Variants in SIK2 observed in about 807,000 individuals in gnomAD.
SIK2 encodes serine/threonine-protein kinase SIK2.
In SIK2, 29 loss-of-function variants were observed where a neutral mutation model predicts 103.2. The observed-to-expected ratio is 0.28, with a 90% CI of 0.21 to 0.38. The LOEUF (loss-of-function observed/expected upper bound fraction) is 0.38, where lower values mean the gene tolerates loss of function less well. Among genes scored for constraint, SIK2 ranks in the 10% least tolerant of loss-of-function variants. The pLI is 1.00. For synonymous variants in SIK2, 412 were observed against 446.1 expected, an observed-to-expected ratio of 0.92 and a Z score of 0.96; for missense variants, 879 against 1,171.0, an observed-to-expected ratio of 0.75 and a Z score of 3.64.
chr11:111,660,327 G>A (rs1438484089), intron 3 of SIK2, among the ~76,000 whole-genome samples: 1 of 152,090 alleles, frequency 6.6e-6, no homozygotes, highest in East Asian at 1.9e-4. Context: ...AAGCCCTTAG[G>A]TCCATATGCA....
At chr11:111,634,889 A>C (rs182399923) in intron 3 of SIK2, among the ~76,000 whole-genome samples, 290 of 152,368 alleles carry the variant, frequency 1.9e-3, no homozygotes, top group Non-Finnish European at 3.2e-3. Flanking sequence ...AGATGTTAAC[A>C]TAGAAAGATA....
chr11:111,709,438 A>AT (rs1943438290), intron 8 of SIK2, among the ~76,000 whole-genome samples: 1 of 152,176 alleles, frequency 6.6e-6, no homozygotes, highest in South Asian at 2.1e-4. Flanking sequence ...AATAGCAACG[A>AT]TTTTCCCATA....
At chr11:111,648,561 A>G (rs1942287988) in intron 3 of SIK2, among the ~76,000 whole-genome samples, 1 of 152,084 alleles carries the variant, frequency 6.6e-6, no homozygotes, top group South Asian at 2.1e-4. Flanking sequence ...ATTTTGGGGA[A>G]ACACAAACAA....
intron 4 of SIK2, among the ~76,000 whole-genome samples, chr11:111,695,062 G>A (rs927002902): frequency 5.3e-5 from 8 of 152,126 alleles, no homozygotes; most frequent in Non-Finnish European, 8.8e-5. Flanking sequence ...AGTGTTGGCC[G>A]ATCCACATTC....
intron 3 of SIK2, among the ~76,000 whole-genome samples, chr11:111,669,783 A>G (rs968844175): frequency 6.6e-6 from 1 of 151,908 alleles, no homozygotes; most frequent in African/African-American, 2.4e-5. Context: ...CGAATGCATC[A>G]TTTCCTTAAC....
intron 3 of SIK2, among the ~76,000 whole-genome samples, chr11:111,666,204 A>G (rs1255353489): frequency 6.6e-6 from 1 of 152,208 alleles, no homozygotes; most frequent in Non-Finnish European, 1.5e-5. Flanking sequence ...TGAAATCAGC[A>G]TAGTTACCGT....
intron 3 of SIK2, among the ~76,000 whole-genome samples, chr11:111,625,298 G>A (rs762124114): frequency 6.6e-6 from 1 of 152,158 alleles, no homozygotes; most frequent in Non-Finnish European, 1.5e-5. Flanking sequence ...GGAAGCTGTT[G>A]GAGTAGTTCC....
Position 111,618,685 on chromosome 11 carries a change from T to A in SIK2, c.253-1654T>A, listed in dbSNP as rs557427424. Among the ~76,000 whole-genome samples the A allele has an allele frequency of 7.2e-5, 11 of 152,224 alleles. No homozygotes were observed. In the East Asian group the frequency reaches 7.7e-4, roughly 11 times the overall value. ...AGATCCCATCTCTAAAAATAAATAA[T>A]TAATTAATTAATTCAGATTACTTCT... On this transcript the variant is annotated intron_variant, in intron 2 of 14. Coordinates refer to ENST00000304987, the MANE Select transcript of SIK2 (RefSeq NM_015191.3).
intron 9 of SIK2, among the ~76,000 whole-genome samples, chr11:111,714,538 T>G (rs1943585575): frequency 6.6e-6 from 1 of 151,520 alleles, no homozygotes; most frequent in Admixed American, 6.6e-5. Context: ...AGGAGGGAGG[T>G]GATGAGGCCT....
chr11:111,645,024 C>T (rs1229865357), intron 3 of SIK2, among the ~76,000 whole-genome samples: 1 of 152,166 alleles, frequency 6.6e-6, no homozygotes, highest in Non-Finnish European at 1.5e-5. Flanking sequence ...GTCAGGCCAA[C>T]TCCCAGCTCT....
At chr11:111,658,677 G>A (rs574581513) in intron 3 of SIK2, among the ~76,000 whole-genome samples, 2 of 152,144 alleles carry the variant, frequency 1.3e-5, no homozygotes, top group South Asian at 4.2e-4. Context: ...GGTGATCAAG[G>A]ATGCAGTGAG....
chr11:111,604,957 ATT>A (rs11412519), intron 1 of SIK2, among the ~76,000 whole-genome samples: 428 of 133,888 alleles, frequency 3.2e-3, no homozygotes, highest in Admixed American at 6.9e-3. Flanking sequence ...GTTGCTCTGA[ATT>A]TTTTTTTTTT....
rs765333308 is a variant in SIK2, at chr11:111,723,939, CCT to C, written c.2592_2593del (p.Cys865SerfsTer37). ...TCCCCTGCGCCAGACTATCCCACTC[CCT>C]GTCAGTATCCTGTGGATGGAGCCCA... On this transcript the variant is annotated frameshift_variant, in exon 15 of 15. Transcript: ENST00000304987. LOFTEE classifies it high-confidence loss of function. 1.9e-6 allele frequency: 3 copies of C among 1,614,136 alleles called. No individual in the cohort carries two copies. Among genetic ancestry groups the C allele is most frequent in the Non-Finnish European group, 2.5e-6 (3 of 1,180,000 alleles).
intron 1 of SIK2, among the ~76,000 whole-genome samples, chr11:111,609,323 AT>A (rs960814509): frequency 5.5e-4 from 82 of 148,906 alleles, no homozygotes; most frequent in African/African-American, 7.6e-4. Flanking sequence ...AGTCAAATCA[AT>A]TTTTTTTTTG....
intron 4 of SIK2, among the ~76,000 whole-genome samples, chr11:111,689,986 A>G (rs531876085): frequency 5.1e-4 from 33 of 64,364 alleles, no homozygotes; most frequent in Admixed American, 1.3e-3. Flanking sequence ...GTGTATGTGT[A>G]TATATATATA....
intron 2 of SIK2, among the ~76,000 whole-genome samples, chr11:111,617,939 A>AC (rs1555024707): frequency 6.6e-6 from 1 of 150,958 alleles, no homozygotes; most frequent in East Asian, 1.9e-4. Context: ...ATTGTATTTT[A>AC]TTTTTTTTAG....
intron 3 of SIK2, among the ~76,000 whole-genome samples, chr11:111,635,934 A>G (rs143791974): frequency 5.3e-5 from 8 of 152,284 alleles, no homozygotes; most frequent in Non-Finnish European, 7.4e-5. Flanking sequence ...ACCATACCCA[A>G]CTGAATTCTA....
chr11:111,609,721 C>G (rs570781103), intron 1 of SIK2, among the ~76,000 whole-genome samples: 4 of 152,290 alleles, frequency 2.6e-5, no homozygotes, highest in Non-Finnish European at 5.9e-5. Context: ...GAGAGGGTAA[C>G]TAGAGAATTC....
chr11:111,708,145 G>A (rs1364186907), intron 8 of SIK2, among the ~76,000 whole-genome samples: 1 of 152,204 alleles, frequency 6.6e-6, no homozygotes, highest in Non-Finnish European at 1.5e-5. Context: ...GCTTTGGGAG[G>A]CCAAGGCAGG....
Sources: allele counts gnomAD v4.1 joint callset (sites outside exome capture counted in the v4.1 genomes callset), GRCh38; gene constraint gnomAD v4.1.1; transcripts MANE v1.5; gene names NCBI Gene and HGNC (gene_info 2026-07-23, HGNC 2026-07-21).